PTPRU: variants seen among roughly 807,000 people sequenced by gnomAD.
PTPRU encodes the protein receptor-type tyrosine-protein phosphatase U.
PTPRU carries 69 observed loss-of-function variants against 166.3 expected under a neutral mutation model. That is an observed-to-expected ratio of 0.41 (90% CI 0.34 to 0.51). The LOEUF (loss-of-function observed/expected upper bound fraction) is 0.51. PTPRU is among the 20% of genes least tolerant of loss of function. The pLI, the probability that PTPRU is intolerant of heterozygous loss-of-function variation, is 0.09. For missense variants in PTPRU, 1,657 were observed against 2,013.7 expected (o/e 0.82, Z 3.39); for synonymous variants, 793 against 814.0 (o/e 0.97, Z 0.44).
chr1:29,275,762 A>T lies in PTPRU; in HGVS notation c.1453+6A>T. ...TTTCCAGACGGATGAGGATGGTAAG[A>T]GTCTCAGTCCCAATTCCCGGGGCCC... On this transcript the variant is annotated splice_donor_region_variant and intron_variant, in intron 8 of 29. Coordinates refer to ENST00000373779, the MANE Select transcript of PTPRU (RefSeq NM_133178.4). The T allele has an allele frequency of 1.2e-6, 2 of 1,612,258 alleles. No individual in the cohort carries two copies. The highest frequency in any genetic ancestry group is 1.7e-6 in the Non-Finnish European group (2 of 1,178,468).
At chr1:29,293,476 TTG>T (rs1385460036) in intron 15 of PTPRU, among the ~76,000 whole-genome samples, 1 of 137,478 alleles carries the variant, frequency 7.3e-6, no homozygotes, top group Non-Finnish European at 1.5e-5. Flanking sequence ...GGGTAGTTTT[TTG>T]TTTTTTTTTT....
intron 7 of PTPRU, among the ~76,000 whole-genome samples, chr1:29,266,021 T>G (rs1432213077): frequency 7.1e-6 from 1 of 141,286 alleles, no homozygotes; most frequent in African/African-American, 2.6e-5. Flanking sequence ...TTTTTTTTTT[T>G]TTTTTTTTTT....
Position 29,323,651 on chromosome 1 carries a change from G to A in PTPRU, c.3975G>A (p.Leu1325=). 1 of 1,614,052 alleles carries A rather than the reference G, an allele frequency of 6.2e-7. No individual in the cohort carries two copies. Among genetic ancestry groups the A allele is most frequent in the Non-Finnish European group, 8.5e-7 (1 of 1,179,968 alleles). Residue 1325 remains leucine (L), a synonymous_variant, in exon 28 of 30, where the codon CTG becomes CTA. Coordinates refer to ENST00000373779, the MANE Select transcript of PTPRU (RefSeq NM_133178.4). ...CCCAGTTGCAGGAGGGGCACCTGCT[G>A]GTGCGGCACTTCCAGTTCCTGCGCT... is the stretch of plus-strand genomic sequence containing the variant. The part of the protein sequence containing the change: ...NISRLQEGHL[L]VRHFQFLRWS...
intron 15 of PTPRU, 46 bp downstream of exon 15, chr1:29,292,072 C>G (rs1286098690): frequency 6.2e-7 from 1 of 1,604,600 alleles, no homozygotes; most frequent in East Asian, 2.2e-5. Context: ...TCTGGGGCTC[C>G]CAACCTGAGA....
intron 15 of PTPRU, among the ~76,000 whole-genome samples, chr1:29,303,045 G>A (rs942996600): frequency 2.0e-5 from 3 of 152,158 alleles, no homozygotes; most frequent in African/African-American, 7.2e-5. Flanking sequence ...TGTGGTGTTC[G>A]CACAAAGACC....
intron 15 of PTPRU, among the ~76,000 whole-genome samples, chr1:29,297,148 G>A (rs1392273015): frequency 2.8e-5 from 4 of 144,098 alleles, no homozygotes; most frequent in African/African-American, 5.2e-5. Flanking sequence ...TCTGCCTCCC[G>A]GGTTCAAGTG....
intron 5 of PTPRU, 110 bp downstream of exon 5, chr1:29,259,674 T>G: frequency 7.9e-7 from 1 of 1,267,438 alleles, no homozygotes; most frequent in Non-Finnish European, 1.1e-6. Flanking sequence ...ACTCCAGCAC[T>G]GCGCACAGCG....
At chr1:29,319,841 A>AG (rs1688072716) in intron 25 of PTPRU, among the ~76,000 whole-genome samples, 1 of 136,290 alleles carries the variant, frequency 7.3e-6, no homozygotes, top group South Asian at 2.4e-4. Context: ...CGGGGAAGGG[A>AG]GGGGGGACAT....
At chr1:29,290,068 A>G (rs1028700865) in intron 14 of PTPRU, among the ~76,000 whole-genome samples, 4 of 152,028 alleles carry the variant, frequency 2.6e-5, no homozygotes, top group Non-Finnish European at 5.9e-5. Flanking sequence ...CTGACCTCCA[A>G]CCAAATCCAC....
At chr1:29,319,932 C>T (rs920791021) in intron 25 of PTPRU, among the ~76,000 whole-genome samples, 1 of 152,148 alleles carries the variant, frequency 6.6e-6, no homozygotes, top group South Asian at 2.1e-4. Context: ...TGCCAGCCCC[C>T]CTGGCAGGAC....
rs1687864076 is a variant in PTPRU at position 29,315,550 on chromosome 1, A to G, written c.3363+43A>G. The stretch of plus-strand genomic sequence containing the variant: ...TGTCCCCACCATTATTACTTCTAGG[A>G]CTGGAGTTTCTCGTGAAGGATCCTG... On this transcript the variant is annotated intron_variant, in intron 23 of 29. Transcript: ENST00000373779. This position sits in a 1 kb window ranked among gnomAD's most constrained non-coding sequence, Gnocchi z 4.5. 2 of 1,611,678 alleles carry G rather than the reference A, an allele frequency of 1.2e-6. No homozygotes were observed. The highest frequency in any genetic ancestry group is 1.3e-5 in the African/African-American group (1 of 74,854).
chr1:29,242,239 A>G (rs757001628), intron 1 of PTPRU, among the ~76,000 whole-genome samples: 6 of 152,090 alleles, frequency 3.9e-5, no homozygotes, highest in African/African-American at 7.2e-5. Flanking sequence ...CTTGTGACCT[A>G]TGGTGGTGTC....
At chr1:29,240,924 C>G (rs893164495) in intron 1 of PTPRU, among the ~76,000 whole-genome samples, 1 of 152,062 alleles carries the variant, frequency 6.6e-6, no homozygotes, top group Non-Finnish European at 1.5e-5. Context: ...GCTTGTGCAC[C>G]GGAGGGAAGG....
At chr1:29,266,637 G>A (rs948956025) in intron 7 of PTPRU, among the ~76,000 whole-genome samples, 2 of 152,122 alleles carry the variant, frequency 1.3e-5, no homozygotes, top group Non-Finnish European at 2.9e-5. Context: ...TACAACATGG[G>A]AATAATAACA....
intron 7 of PTPRU, among the ~76,000 whole-genome samples, chr1:29,261,227 C>A (rs78109415): frequency 6.6e-6 from 1 of 152,202 alleles, no homozygotes. Flanking sequence ...CAAGAGCACA[C>A]AGCTAGTAAG....
intron 25 of PTPRU, among the ~76,000 whole-genome samples, chr1:29,318,242 G>A (rs1339999663): frequency 6.6e-6 from 1 of 152,228 alleles, no homozygotes; most frequent in East Asian, 1.9e-4. Flanking sequence ...GTTTGGGGAT[G>A]GAACTCGAGA....
At chr1:29,250,261 T>A (rs766225223) in intron 1 of PTPRU, among the ~76,000 whole-genome samples, 3 of 152,132 alleles carry the variant, frequency 2.0e-5, no homozygotes, top group Non-Finnish European at 4.4e-5. Context: ...TTCATCATCC[T>A]TGTACCTCTA....
intron 1 of PTPRU, among the ~76,000 whole-genome samples, chr1:29,248,899 T>C (rs1474919280): frequency 1.3e-5 from 2 of 152,064 alleles, no homozygotes; most frequent in Non-Finnish European, 2.9e-5. Flanking sequence ...ATGCCCACCC[T>C]CATGCACCTC....
At chr1:29,319,648 G>A (rs1400126717) in intron 25 of PTPRU, among the ~76,000 whole-genome samples, 1 of 152,236 alleles carries the variant, frequency 6.6e-6, no homozygotes, top group Non-Finnish European at 1.5e-5. Flanking sequence ...AGAGATCGCT[G>A]GGGGACCAGG....
Sources: allele counts gnomAD v4.1 joint callset (sites outside exome capture counted in the v4.1 genomes callset), GRCh38; gene constraint gnomAD v4.1.1; non-coding constraint Gnocchi (gnomAD v3.1); transcripts MANE v1.5; gene names NCBI Gene and HGNC (gene_info 2026-07-23, HGNC 2026-07-21).